The following ACTR3C variants were observed in gnomAD, a reference collection of about 807,000 sequenced individuals.
The protein encoded by ACTR3C is actin related protein 3C.
ACTR3C carries 18 observed loss-of-function variants against 26.3 expected under a neutral mutation model. That is an observed-to-expected ratio of 0.68 (90% CI 0.47 to 1.01). ACTR3C has a LOEUF of 1.01. Among genes scored for constraint, ACTR3C ranks in the 50% least tolerant of loss-of-function variants. The pLI, the probability that ACTR3C is intolerant of heterozygous loss-of-function variation, is 0.00. For missense variants in ACTR3C, 184 were observed against 250.7 expected (o/e 0.73, Z 1.80); for synonymous variants, 55 against 94.5 (o/e 0.58, Z 2.42).
At chr7:150,120,324 G>C in the ACTR3C span, among the ~76,000 whole-genome samples, 58 of 152,008 alleles carry the variant, frequency 3.8e-4, no homozygotes, top group African/African-American at 1.4e-3. Context: ...TAACAAAATA[G>C]ATAGACCACT....
chr7:150,271,016 C>G (rs1186501044), intron 6 of ACTR3C, among the ~76,000 whole-genome samples: 1 of 151,254 alleles, frequency 6.6e-6, no homozygotes, highest in African/African-American at 2.5e-5. Context: ...ACCATCAACA[C>G]AGCATGTCTC....
the ACTR3C span, among the ~76,000 whole-genome samples, chr7:150,197,365 G>C: frequency 6.6e-6 from 1 of 152,130 alleles, no homozygotes; most frequent in Non-Finnish European, 1.5e-5. Context: ...TCCTATTGAC[G>C]TCTGACTTGA....
At chr7:150,048,927 C>CG in the ACTR3C span, among the ~76,000 whole-genome samples, 1 of 152,080 alleles carries the variant, frequency 6.6e-6, no homozygotes, top group Non-Finnish European at 1.5e-5. Flanking sequence ...GCGCCCCTCG[C>CG]GGGCGCTGCG....
chr7:150,036,982 C>T, the ACTR3C span, among the ~76,000 whole-genome samples: 202 of 32,700 alleles, frequency 6.2e-3, 24 homozygotes, highest in African/African-American at 0.019. Context: ...CCCTGCCTCG[C>T]GGGGGGTGCC....
At chr7:150,281,732 A>G (rs71537070) in intron 6 of ACTR3C, among the ~76,000 whole-genome samples, 32,597 of 152,060 alleles carry the variant, frequency 0.21, 5,288 homozygotes, top group African/African-American at 0.44. Context: ...CCCGGACAGT[A>G]TTAGAATGAG....
chr7:150,158,225 A>T, the ACTR3C span, among the ~76,000 whole-genome samples: 1 of 152,042 alleles, frequency 6.6e-6, no homozygotes. Context: ...AAAGGGAAAA[A>T]CTGCATGCTG....
the ACTR3C span, among the ~76,000 whole-genome samples, chr7:150,135,865 GGAAAAGGAAAA>G: frequency 2.0e-5 from 3 of 151,316 alleles, no homozygotes; most frequent in African/African-American, 4.9e-5. Flanking sequence ...AAAAGGAAAA[GGAAAAGGAAAA>G]GAAAAGAAAA....
At chr7:150,055,822 ACT>A in the ACTR3C span, among the ~76,000 whole-genome samples, 1 of 152,126 alleles carries the variant, frequency 6.6e-6, no homozygotes, top group Admixed American at 6.5e-5. Context: ...ACTTTCAAAC[ACT>A]GATTTCATAA....
the ACTR3C span, among the ~76,000 whole-genome samples, chr7:150,050,070 C>A: frequency 5.2e-3 from 793 of 152,130 alleles, 4 homozygotes; most frequent in African/African-American, 0.017. Flanking sequence ...TTGCTCTCAA[C>A]CCCCTCCTCT....
chr7:149,952,599 A>G, the ACTR3C span, among the ~76,000 whole-genome samples: 5 of 147,912 alleles, frequency 3.4e-5, no homozygotes, highest in East Asian at 7.8e-4. Context: ...AAATGAATAA[A>G]TGAATAAATG....
At chr7:150,181,178 C>G in the ACTR3C span, among the ~76,000 whole-genome samples, 6 of 150,782 alleles carry the variant, frequency 4.0e-5, 1 homozygote, top group Non-Finnish European at 5.9e-5. Flanking sequence ...GCACAAAAGT[C>G]AATGCTGTCC....
chr7:149,910,899 C>T, the ACTR3C span, among the ~76,000 whole-genome samples: 1 of 151,746 alleles, frequency 6.6e-6, no homozygotes, highest in African/African-American at 2.4e-5. Context: ...TCAACTTCCA[C>T]AGGACCTGAG....
chr7:150,240,975 T>C (rs1832146765), downstream of ACTR3C, among the ~76,000 whole-genome samples: 1 of 152,158 alleles, frequency 6.6e-6, no homozygotes, highest in African/African-American at 2.4e-5. Flanking sequence ...ATAAAACTAT[T>C]AGTAATAAAT....
the ACTR3C span, among the ~76,000 whole-genome samples, chr7:150,085,161 A>G: frequency 3.3e-5 from 5 of 152,174 alleles, no homozygotes; most frequent in Non-Finnish European, 7.4e-5. Flanking sequence ...CATGTTAGAC[A>G]TCAGAGTGGA....
chr7:150,207,701 A>G, the ACTR3C span, among the ~76,000 whole-genome samples: 5 of 152,222 alleles, frequency 3.3e-5, no homozygotes, highest in South Asian at 8.3e-4. Context: ...AAAGTTTGGA[A>G]AAGTGGAAGC....
chr7:150,277,753 C>T (rs898080323), intron 6 of ACTR3C, among the ~76,000 whole-genome samples: 1 of 152,150 alleles, frequency 6.6e-6, no homozygotes, highest in African/African-American at 2.4e-5. Context: ...CTCCCGGCTT[C>T]CTCCATGAGC....
Position 150,265,677 on chromosome 7 carries a change from C to A in ACTR3C, c.565-16623G>T, listed in dbSNP as rs575329121. Among the ~76,000 whole-genome samples, 163 of 152,196 alleles carry A rather than the reference C, an allele frequency of 1.1e-3. 3 individuals are homozygous for A. Among genetic ancestry groups the A allele is most frequent in the African/African-American group, 3.7e-3 (155 of 41,516 alleles). On this transcript the variant is annotated intron_variant, in intron 6 of 7. Transcript: ENST00000683684. Reference sequence around the variant, plus strand: ...CCATTACACTCCACCCTGGGCAACTCCATCTCAAAAACATAAAAATAAATA... The same window carrying A: ...CCATTACACTCCACCCTGGGCAACTACATCTCAAAAACATAAAAATAAATA...
At chr7:149,983,349 G>C in the ACTR3C span, among the ~76,000 whole-genome samples, 2 of 149,466 alleles carry the variant, frequency 1.3e-5, no homozygotes, top group African/African-American at 5.0e-5. Context: ...TCAGGGAAAT[G>C]AAATCAAAAC....
the ACTR3C span, among the ~76,000 whole-genome samples, chr7:150,016,560 T>A: frequency 6.6e-6 from 1 of 152,066 alleles, no homozygotes; most frequent in Non-Finnish European, 1.5e-5. Flanking sequence ...GTATGGATAT[T>A]TCCACTGCAT....
Sources: gnomAD v4.1 joint callset for allele counts (sites outside exome capture counted in the v4.1 genomes callset) on GRCh38, gnomAD v4.1.1 for gene constraint, MANE v1.5 for transcripts, NCBI Gene and HGNC (gene_info 2026-07-23, HGNC 2026-07-21) for gene names.